Variants in COL15A1 observed in about 807,000 individuals in gnomAD.
The protein encoded by COL15A1 is collagen type XV alpha 1 chain.
COL15A1 carries 111 observed loss-of-function variants against 165.9 expected under a neutral mutation model. That is an observed-to-expected ratio of 0.67 (90% CI 0.57 to 0.78). COL15A1 has a LOEUF of 0.78. COL15A1 is among the 30% of genes least tolerant of loss of function. COL15A1 has a pLI of 0.00. For missense variants in COL15A1, 1,745 were observed against 1,789.7 expected (o/e 0.98, Z 0.45); for synonymous variants, 659 against 674.8 (o/e 0.98, Z 0.36).
chr9:99,053,519 C>T (rs1306703395), intron 31 of COL15A1, among the ~76,000 whole-genome samples: 1 of 152,214 alleles, frequency 6.6e-6, no homozygotes, highest in Non-Finnish European at 1.5e-5. Context: ...GTGACAGCTC[C>T]TAGTGAGCAA....
Position 99,052,344 on chromosome 9 carries a change from C to A in COL15A1, c.2905-44C>A, listed in dbSNP as rs4142986. On this transcript the variant is annotated intron_variant, in intron 30 of 41. Coordinates refer to ENST00000375001, the MANE Select transcript of COL15A1 (RefSeq NM_001855.5). ...TGGCTGCCTGTTTCTGCAAACACCA[C>A]GGCAGAGCTTGCAGTGCCTAACCTG... 69 of 1,489,254 alleles carry A rather than the reference C, an allele frequency of 4.6e-5. 1 individual carries two copies. The South Asian group carries it at 7.3e-4, about 16-fold the overall frequency. The allele number at this position is 1,489,254 out of a possible 1,614,324, so 92.3% of individuals were successfully genotyped here. A position where few individuals can be genotyped will look rare whatever the true frequency, so the allele number is the denominator to read the frequency against.
chr9:99,035,047 C>T lies in COL15A1; in HGVS notation c.2113C>T (p.Pro705Ser). 1 of 1,613,220 alleles carries T rather than the reference C, an allele frequency of 6.2e-7. No homozygotes were observed. The highest frequency in any genetic ancestry group is 1.1e-5 in the South Asian group (1 of 91,086). Residue 705 changes from proline to serine, a missense_variant, in exon 18 of 42, where the codon CCG becomes TCG. By Grantham distance (74) the Pro-to-Ser change is moderately conservative. Transcript: ENST00000375001. ...DPGNRGLPGPPGKKGQAGPPG... is the reference protein window; with the variant it reads ...DPGNRGLPGPSGKKGQAGPPG... ...TGGCAACAGAGGCTTACCTGGACCC[C>T]CGGGGAAAAAGGGACAAGCTGGCCC... is the stretch of plus-strand genomic sequence containing the variant.
chr9:99,038,549 G>A (rs1334010691), intron 21 of COL15A1, 119 bp from the exon 22 acceptor site: 9 of 663,714 alleles, frequency 1.4e-5, no homozygotes, highest in African/African-American at 5.3e-5. Context: ...GGCTGAGGGC[G>A]TTCTCAGTGT....
Position 99,048,745 on chromosome 9 carries a change from A to G in COL15A1, c.2793+745A>G, listed in dbSNP as rs1432691074. On this transcript the variant is annotated intron_variant, in intron 28 of 41. Transcript: ENST00000375001. ...GTGTGATGTTTCCCTTCCTGTGTCC[A>G]TGTGTTTTAAGGAGAGTTTCTCATT... 4.1e-5 allele frequency among the ~76,000 whole-genome samples: 5 copies of G among 122,680 alleles called. No homozygotes were observed. In the Admixed American group the frequency reaches 5.6e-4, roughly 14 times the overall value. The allele number at this position is 122,680 out of a possible 152,430, so 80.5% of individuals were successfully genotyped here. A position where few individuals can be genotyped will look rare whatever the true frequency, so the allele number is the denominator to read the frequency against.
chr9:99,004,510 G>A (rs1187009877), intron 8 of COL15A1, among the ~76,000 whole-genome samples: 1 of 152,200 alleles, frequency 6.6e-6, no homozygotes, highest in Admixed American at 6.5e-5. Flanking sequence ...GTCCACGAGG[G>A]TAGACTACTG....
In COL15A1 at chr9:99,066,599, G is replaced by GTTTTTTTTTTTTTTTTTTTTTTTTTT. The variant is rs67961829; in HGVS notation, c.3652-258_3652-257insTTTTTTTTTTTTTTTTTTTTTTTTTT. 4.9e-4 allele frequency among the ~76,000 whole-genome samples: 35 copies of GTTTTTTTTTTTTTTTTTTTTTTTTTT among 71,040 alleles called. 1 individual carries two copies. The highest frequency in any genetic ancestry group is 8.9e-3 in the Middle Eastern group (1 of 112). The allele number at this position is 71,040 out of a possible 152,430, so 46.6% of individuals were successfully genotyped here. On this transcript the variant is annotated intron_variant, in intron 39 of 41. Coordinates refer to ENST00000375001, the MANE Select transcript of COL15A1 (RefSeq NM_001855.5). ...TTTGGTCCAAGCAATATTTTGTTCT[G>GTTTTTTTTTTTTTTTTTTTTTTTTTT]TTTTTTTTTTTTTTTTTTTTTTTTT...
intron 2 of COL15A1, among the ~76,000 whole-genome samples, chr9:98,968,131 C>T (rs1837986823): frequency 6.6e-6 from 1 of 152,198 alleles, no homozygotes; most frequent in African/African-American, 2.4e-5. Context: ...CTCTGCACCT[C>T]AACCTCCTCA....
intron 21 of COL15A1, among the ~76,000 whole-genome samples, 189 bp from the exon 22 acceptor site, chr9:99,038,479 T>G (rs1375009295): frequency 6.6e-6 from 1 of 152,182 alleles, no homozygotes; most frequent in African/African-American, 2.4e-5. Flanking sequence ...AGGAGGAAAG[T>G]GCGAAGGCAG....
At chr9:99,066,612 T>G (rs1356554626) in intron 39 of COL15A1, among the ~76,000 whole-genome samples, 3 of 144,210 alleles carry the variant, frequency 2.1e-5, no homozygotes, top group Non-Finnish European at 3.0e-5. Flanking sequence ...TTTTTTTTTT[T>G]TTTTTTTTTT....
chr9:98,985,923 G>A lies in COL15A1; in HGVS notation c.459G>A (p.Ser153=), dbSNP rs567540031. 219 of 1,613,898 alleles carry A rather than the reference G, an allele frequency of 1.4e-4. 2 individuals carry two copies. Among genetic ancestry groups the A allele is most frequent in the South Asian group, 4.8e-4 (44 of 91,070 alleles). The stretch of plus-strand genomic sequence containing the variant: ...TGTCCCAAGAGGCTGCTGCCTTCTC[G>A]GTGCCTGTGATGACCCACAGGTGGA... ...SHVSQEAAAF[S]VPVMTHRWNR... is the part of the protein sequence containing the mutation. The change falls in exon 3 of 42, where the codon TCG becomes TCA. Residue 153 remains serine (S), a synonymous_variant. Coordinates refer to ENST00000375001, the MANE Select transcript of COL15A1 (RefSeq NM_001855.5).
intron 5 of COL15A1, among the ~76,000 whole-genome samples, chr9:98,995,400 C>T (rs112910462): frequency 1.3e-3 from 199 of 152,280 alleles, no homozygotes; most frequent in African/African-American, 4.6e-3. Flanking sequence ...CTGCCACCAG[C>T]GAGGACTCTC....
chr9:99,070,734 AT>A lies in COL15A1; in HGVS notation c.*856del, dbSNP rs1016879420. ...ATATATCTACATGTTGTATAATTGG[AT>A]TTTTTTTCCATGTAAGTGAACATAA... On this transcript the variant is annotated 3_prime_UTR_variant, in exon 42 of 42. Transcript: ENST00000375001. The A allele has an allele frequency of 3.0e-5, 11 of 363,480 alleles. No homozygotes were observed. Among genetic ancestry groups the A allele is most frequent in the East Asian group, 1.0e-4 (1 of 9,552 alleles). 22.5% of individuals were successfully genotyped at this position (363,480 alleles called of 1,614,324 possible). A position where few individuals can be genotyped will look rare whatever the true frequency, so the allele number is the denominator to read the frequency against.
At position 99,003,560 on chromosome 9, in the gene COL15A1, G is replaced by A. The variant is rs764128165; in HGVS notation, c.1173G>A (p.Thr391=). ...PTGGPTLSMS[T]ENPEEGVTPG... Reference sequence around the variant, plus strand: ...GGGGACCAACCCTCTCTATGTCCACGGAGAACCCAGAGGAAGGGGTCACTC... The same window carrying A: ...GGGGACCAACCCTCTCTATGTCCACAGAGAACCCAGAGGAAGGGGTCACTC... The change falls in exon 8 of 42, where the codon ACG becomes ACA. Residue 391 remains threonine, a synonymous_variant. Coordinates refer to ENST00000375001, the MANE Select transcript of COL15A1 (RefSeq NM_001855.5). The A allele has an allele frequency of 4.4e-5, 68 of 1,551,138 alleles. No individual in the cohort carries two copies. Among genetic ancestry groups the A allele is most frequent in the Admixed American group, 5.8e-5 (3 of 51,316 alleles).
At chr9:98,986,189 T>G in intron 3 of COL15A1, 77 bp downstream of exon 3, 2 of 1,106,742 alleles carry the variant, frequency 1.8e-6, no homozygotes, top group South Asian at 1.5e-5. Context: ...GAGCAACTAT[T>G]ATTGTTATTA....
At chr9:98,951,194 A>G (rs1837682133) in intron 2 of COL15A1, among the ~76,000 whole-genome samples, 1 of 152,138 alleles carries the variant, frequency 6.6e-6, no homozygotes. Flanking sequence ...GACTTTAGCA[A>G]TTTGTCATTA....
intron 16 of COL15A1, among the ~76,000 whole-genome samples, chr9:99,027,483 A>G (rs1370264697): frequency 6.6e-6 from 1 of 150,414 alleles, no homozygotes; most frequent in African/African-American, 2.5e-5. Context: ...TACAGAAATT[A>G]AATTTTGCAG....
chr9:99,067,686 C>T (rs1411446405), intron 40 of COL15A1, among the ~76,000 whole-genome samples: 2 of 152,188 alleles, frequency 1.3e-5, no homozygotes, highest in Non-Finnish European at 2.9e-5. Context: ...GTCTCTGCAA[C>T]CCCAGTACTC....
intron 30 of COL15A1, among the ~76,000 whole-genome samples, chr9:99,050,286 G>A (rs1342760299): frequency 1.3e-5 from 2 of 152,192 alleles, no homozygotes; most frequent in South Asian, 2.1e-4. Context: ...TAACTATGCT[G>A]CCCTTTCCCA....
intron 9 of COL15A1, among the ~76,000 whole-genome samples, chr9:99,013,453 A>G (rs1036242866): frequency 2.0e-5 from 3 of 152,004 alleles, no homozygotes; most frequent in African/African-American, 7.2e-5. Flanking sequence ...ACACTAGCCA[A>G]TTGAGATTAA....
Sources: allele counts gnomAD v4.1 joint callset (sites outside exome capture counted in the v4.1 genomes callset), GRCh38; gene constraint gnomAD v4.1.1; transcripts MANE v1.5; gene names NCBI Gene and HGNC (gene_info 2026-07-23, HGNC 2026-07-21).